Variants in PADI2 observed in about 807,000 individuals in gnomAD.
PADI2 encodes peptidyl arginine deiminase 2.
PADI2 carries 70 observed loss-of-function variants against 81.1 expected under a neutral mutation model. The observed-to-expected ratio is 0.86, with a 90% CI of 0.71 to 1.05. The LOEUF (loss-of-function observed/expected upper bound fraction) is 1.05. Among genes scored for constraint, PADI2 ranks in the 50% least tolerant of loss-of-function variants. The pLI is 0.00. For missense variants in PADI2, 853 were observed against 889.9 expected, an observed-to-expected ratio of 0.96 and a Z score of 0.53; for synonymous variants, 338 against 358.0, an observed-to-expected ratio of 0.94 and a Z score of 0.63.
rs965330566 is a variant in PADI2 at position 17,067,295 on chromosome 1, C to T, written c.*1749G>A. 3 of 151,766 alleles carry T rather than the reference C, an allele frequency of 2.0e-5. No homozygotes were observed. Among genetic ancestry groups the T allele is most frequent in the Non-Finnish European group, 4.4e-5 (3 of 67,990 alleles). The allele number at this position is 151,766 out of a possible 1,614,324, so 9.4% of individuals were successfully genotyped here. ...GACAAACTCTAAGTCTCCAGACAGA[C>T]ACCCTCAAATAGGCACTTGGTGTTT... is the stretch of plus-strand genomic sequence containing the variant. On this transcript the variant is annotated 3_prime_UTR_variant, in exon 16 of 16. Transcript: ENST00000375486.
intron 1 of PADI2, among the ~76,000 whole-genome samples, chr1:17,112,754 C>T (rs568717333): frequency 1.3e-4 from 20 of 152,304 alleles, no homozygotes; most frequent in South Asian, 8.3e-4. Context: ...CCAGCTGTCC[C>T]GGGCCTCTCC....
At chr1:17,081,085 AGCCT>A (rs2078340501) in intron 10 of PADI2, among the ~76,000 whole-genome samples, 1 of 152,238 alleles carries the variant, frequency 6.6e-6, no homozygotes, top group Admixed American at 6.5e-5. Flanking sequence ...GAACCAGGCC[AGCCT>A]GGAATACTGA....
At chr1:17,088,707 G>C (rs1351600098) in intron 6 of PADI2, among the ~76,000 whole-genome samples, 1 of 151,968 alleles carries the variant, frequency 6.6e-6, no homozygotes, top group Non-Finnish European at 1.5e-5. Context: ...AGGAGTTTGA[G>C]ACAAGACTGG....
chr1:17,069,353 T>G, intron 15 of PADI2, 76 bp from the exon 16 acceptor site: 1 of 1,134,934 alleles, frequency 8.8e-7, no homozygotes, highest in Non-Finnish European at 1.3e-6. Context: ...CCTAAGCTCA[T>G]GGAACCCTCA....
At chr1:17,110,809 C>T (rs1931550534) in intron 1 of PADI2, among the ~76,000 whole-genome samples, 1 of 152,234 alleles carries the variant, frequency 6.6e-6, no homozygotes, top group Non-Finnish European at 1.5e-5. Context: ...CCCACAGTTA[C>T]TGGCCCTTTT....
intron 2 of PADI2, 60 bp downstream of exon 2, chr1:17,104,818 C>T: frequency 7.0e-7 from 1 of 1,428,948 alleles, no homozygotes; most frequent in Non-Finnish European, 9.4e-7. Context: ...GGCTGGTCCA[C>T]CCTGCCTCTA....
At chr1:17,093,244 T>TG (rs1322260896) in intron 5 of PADI2, among the ~76,000 whole-genome samples, 2 of 151,944 alleles carry the variant, frequency 1.3e-5, no homozygotes, top group Non-Finnish European at 2.9e-5. Context: ...TACAGGTGCA[T>TG]GCCACCACGC....
intron 7 of PADI2, 134 bp downstream of exon 7, chr1:17,086,387 G>C (rs1029835024): frequency 3.0e-6 from 2 of 665,182 alleles, no homozygotes; most frequent in African/African-American, 3.7e-5. Flanking sequence ...GGGGGGCATC[G>C]AGGTCTCCTA....
At chr1:17,111,753 T>C (rs548580942) in intron 1 of PADI2, among the ~76,000 whole-genome samples, 3 of 152,242 alleles carry the variant, frequency 2.0e-5, no homozygotes, top group Non-Finnish European at 4.4e-5. Context: ...CCAGGTAATG[T>C]TGATGCTGCT....
chr1:17,070,442 C>T (rs184417943), intron 14 of PADI2, among the ~76,000 whole-genome samples: 1 of 152,196 alleles, frequency 6.6e-6, no homozygotes, highest in African/African-American at 2.4e-5. Flanking sequence ...AGAACAGCAG[C>T]TGCCATTTCC....
chr1:17,114,317 C>G (rs780511232), intron 1 of PADI2, among the ~76,000 whole-genome samples: 1 of 152,150 alleles, frequency 6.6e-6, no homozygotes, highest in Non-Finnish European at 1.5e-5. Flanking sequence ...TTCAGGGAGC[C>G]CTTCATTGAC....
rs973520352 is a variant in PADI2, at chr1:17,115,953, G to T, written c.92+3327C>A. On this transcript the variant is annotated intron_variant, in intron 1 of 15. Transcript: ENST00000375486. This position sits in a 1 kb window ranked among gnomAD's most constrained non-coding sequence, Gnocchi z 4.1. ...AGGTCAAGGCATCCATCCCCAGGGG[G>T]GCCAGTTTTGCTGGGAGAGCGTGGG... is the stretch of plus-strand genomic sequence containing the variant. Among the ~76,000 whole-genome samples the T allele has an allele frequency of 6.6e-6, 1 of 152,198 alleles. No homozygotes were observed. The highest frequency in any genetic ancestry group is 1.5e-5 in the Non-Finnish European group (1 of 68,034).
Position 17,068,927 on chromosome 1 carries a change from A to G in PADI2, c.*117T>C. On this transcript the variant is annotated 3_prime_UTR_variant, in exon 16 of 16. Coordinates refer to ENST00000375486, the MANE Select transcript of PADI2 (RefSeq NM_007365.3). ...GCACAGATACCCCAAATTCCACCCCACGTCCCAAAGGTCTCCCAGCGGGGC... is the reference window on the plus strand; with the variant it reads ...GCACAGATACCCCAAATTCCACCCCGCGTCCCAAAGGTCTCCCAGCGGGGC... 1.3e-6 allele frequency: 1 copy of G among 794,274 alleles called. No homozygotes were observed. The highest frequency in any genetic ancestry group is 2.2e-6 in the Non-Finnish European group (1 of 464,824). 49.2% of individuals were successfully genotyped at this position (794,274 alleles called of 1,614,324 possible). A position where few individuals can be genotyped will look rare whatever the true frequency, so the allele number is the denominator to read the frequency against.
intron 1 of PADI2, among the ~76,000 whole-genome samples, chr1:17,114,177 G>T (rs1480233875): frequency 6.6e-6 from 1 of 152,210 alleles, no homozygotes; most frequent in Non-Finnish European, 1.5e-5. Context: ...ACATGCCCTT[G>T]ACCTTCCACA....
chr1:17,079,200 C>A, intron 11 of PADI2, 64 bp downstream of exon 11: 1 of 1,506,742 alleles, frequency 6.6e-7, no homozygotes, highest in East Asian at 2.3e-5. Context: ...CCCAGGCCAC[C>A]CCAAAAGAGA....
chr1:17,081,291 T>C (rs1161633562), intron 10 of PADI2, among the ~76,000 whole-genome samples: 1 of 152,252 alleles, frequency 6.6e-6, no homozygotes, highest in East Asian at 1.9e-4. Flanking sequence ...TGATGCCTTA[T>C]ACAACGCCTT....
chr1:17,077,103 G>A (rs1162058336), intron 11 of PADI2, among the ~76,000 whole-genome samples: 1 of 151,938 alleles, frequency 6.6e-6, no homozygotes, highest in Admixed American at 6.6e-5. Context: ...TATGGAATGC[G>A]CTTCCTTTAC....
At chr1:17,083,955 A>G (rs1405399520) in intron 8 of PADI2, 118 bp from the exon 9 acceptor site, 12 of 690,058 alleles carry the variant, frequency 1.7e-5, no homozygotes, top group African/African-American at 7.0e-5. Flanking sequence ...AGATCAGTCT[A>G]CACCTGTGCT....
At chr1:17,082,100 C>T (rs12085708) in intron 10 of PADI2, among the ~76,000 whole-genome samples, 166 of 152,236 alleles carry the variant, frequency 1.1e-3, no homozygotes, top group African/African-American at 3.8e-3. Flanking sequence ...AGACTCTTGT[C>T]TCAGAAAACA....
Sources: allele counts gnomAD v4.1 joint callset (sites outside exome capture counted in the v4.1 genomes callset), GRCh38; gene constraint gnomAD v4.1.1; non-coding constraint Gnocchi (gnomAD v3.1); transcripts MANE v1.5; gene names NCBI Gene and HGNC (gene_info 2026-07-23, HGNC 2026-07-21).